The following SYNE2 variants were observed in gnomAD, a reference collection of about 807,000 sequenced individuals.
SYNE2 encodes the protein spectrin repeat containing nuclear envelope protein 2.
Under a neutral mutation model 856.3 loss-of-function variants are expected in SYNE2, and 431 were observed. That is an observed-to-expected ratio of 0.50 (90% CI 0.47 to 0.55). SYNE2 has a LOEUF of 0.55. SYNE2 is among the 20% of genes least tolerant of loss of function. SYNE2 has a pLI of 0.00. For synonymous variants in SYNE2, 2,923 were observed against 2,872.3 expected (o/e 1.02, Z -0.56); for missense variants, 8,129 against 8,023.2 (o/e 1.01, Z -0.50).
chr14:64,121,379 C>T (rs1254606151), intron 68 of SYNE2, among the ~76,000 whole-genome samples: 1 of 151,948 alleles, frequency 6.6e-6, no homozygotes, highest in East Asian at 1.9e-4. Flanking sequence ...AAAAATGAGC[C>T]AGGCATGGTG....
Position 64,007,158 on chromosome 14 carries a change from G to A in SYNE2, c.4513G>A (p.Val1505Met), listed in dbSNP as rs542064510. Reference protein sequence around the residue: ...PHFKDGREKTVNQQCQNTVVL... With the variant: ...PHFKDGREKTMNQQCQNTVVL... ...CTTCAAAGATGGCAGAGAAAAAACCGTGAATCAACAGTGCCAAAATACAGT... is the reference window on the plus strand; with the variant it reads ...CTTCAAAGATGGCAGAGAAAAAACCATGAATCAACAGTGCCAAAATACAGT... The change falls in exon 31 of 116, where the codon GTG (valine) becomes ATG (methionine). Residue 1505 changes from valine to methionine, a missense_variant. Coordinates refer to ENST00000555002, the MANE Select transcript of SYNE2 (RefSeq NM_182914.3). 1.4e-5 allele frequency: 22 copies of A among 1,614,088 alleles called. No individual in the cohort carries two copies. The Admixed American group carries it at 1.5e-4, about 11-fold the overall frequency.
rs772614018 is a variant in SYNE2 at position 64,225,481 on chromosome 14, C to A, written c.20679C>A (p.Ser6893=). The A allele has an allele frequency of 6.2e-7, 1 of 1,614,110 alleles. No homozygotes were observed. The highest frequency in any genetic ancestry group is 2.2e-5 in the East Asian group (1 of 44,904). The change falls in exon 116 of 116, where the codon TCC becomes TCA. Residue 6893 remains serine (S), a synonymous_variant. Coordinates refer to ENST00000555002, the MANE Select transcript of SYNE2 (RefSeq NM_182914.3). The part of the protein sequence containing the change: ...SCTQANNFAR[S]FYPMLRYTNG... ...CTCAGGCCAACAACTTTGCCCGGTCCTTTTACCCCATGCTGAGGTACACCA... is the reference window on the plus strand; with the variant it reads ...CTCAGGCCAACAACTTTGCCCGGTCATTTTACCCCATGCTGAGGTACACCA...
At chr14:63,772,290 G>A (rs374422684) in intron 1 of SYNE2, among the ~76,000 whole-genome samples, 1 of 151,978 alleles carries the variant, frequency 6.6e-6, no homozygotes, top group East Asian at 1.9e-4. Flanking sequence ...GGAGGTTGAG[G>A]CTGCAGTGAG....
intron 104 of SYNE2, 90 bp downstream of exon 104, chr14:64,212,188 A>C: frequency 1.3e-6 from 2 of 1,597,820 alleles, no homozygotes; most frequent in Admixed American, 3.3e-5. Flanking sequence ...CGATACTCTG[A>C]GAGCAAATTT....
At chr14:63,979,932 G>A (rs2096573334) in intron 14 of SYNE2, among the ~76,000 whole-genome samples, 1 of 150,472 alleles carries the variant, frequency 6.6e-6, no homozygotes, top group Middle Eastern at 3.2e-3. Flanking sequence ...AATGAGGGGG[G>A]GAAGGAAAAA....
chr14:63,909,158 A>G lies in SYNE2; in HGVS notation c.10A>G (p.Ser4Gly). The G allele has an allele frequency of 6.2e-7, 1 of 1,611,062 alleles. No individual in the cohort carries two copies. The change falls in exon 2 of 116, where the codon AGT (serine) becomes GGT (glycine). Residue 4 changes from serine to glycine, a missense_variant. Coordinates refer to ENST00000555002, the MANE Select transcript of SYNE2 (RefSeq NM_182914.3). Reference protein sequence around the residue: MASSPELPTEDEQG... With the variant: MASGPELPTEDEQG... ...TCCATTGAGTCAAAGAATGGCATCTAGTCCTGAGCTTCCCACCGAAGATGA... is the reference window on the plus strand; with the variant it reads ...TCCATTGAGTCAAAGAATGGCATCTGGTCCTGAGCTTCCCACCGAAGATGA...
intron 87 of SYNE2, among the ~76,000 whole-genome samples, chr14:64,159,720 G>T (rs1288509918): frequency 6.6e-6 from 1 of 152,220 alleles, no homozygotes; most frequent in Non-Finnish European, 1.5e-5. Context: ...CAAATGTCAA[G>T]TTCGATCTCG....
At chr14:64,134,822 A>C (rs2098068507) in intron 78 of SYNE2, among the ~76,000 whole-genome samples, 2 of 138,684 alleles carry the variant, frequency 1.4e-5, no homozygotes, top group Admixed American at 7.2e-5. Context: ...ACTAAAATAC[A>C]AAAAAAAAAA....
At chr14:63,794,479 C>T (rs1453708532) in intron 1 of SYNE2, among the ~76,000 whole-genome samples, 5 of 152,062 alleles carry the variant, frequency 3.3e-5, no homozygotes, top group Admixed American at 6.6e-5. Context: ...TGTGAGCCAC[C>T]GTGCCCAGCC....
At position 64,186,450 on chromosome 14, in the gene SYNE2, G is replaced by C; in HGVS notation, c.17583G>C (p.Trp5861Cys). The C allele has an allele frequency of 2.5e-6, 4 of 1,614,176 alleles. No individual in the cohort carries two copies. The highest frequency in any genetic ancestry group is 3.4e-6 in the Non-Finnish European group (4 of 1,180,026). The change falls in exon 97 of 116, where the codon TGG (tryptophan) becomes TGC (cysteine). Residue 5861 changes from tryptophan to cysteine, a missense_variant. Trp to Cys is a radical substitution (Grantham distance 215). This residue lies in a region of SYNE2 where 5,410 missense variants were observed against 5,284.8 expected (regional missense o/e 1.02). Transcript: ENST00000555002. ...AACTAGAACAGTCTTTGGCTAGCTG[G>C]ACTCAGAACTTGAAAGAACTTCAAA... ...IKELEQSLAS[W>C]TQNLKELQTM... is the part of the protein sequence containing the mutation.
chr14:64,076,349 T>C (rs554717456), intron 54 of SYNE2, among the ~76,000 whole-genome samples: 1 of 152,330 alleles, frequency 6.6e-6, no homozygotes, highest in Admixed American at 6.5e-5. Flanking sequence ...CATTTTATAA[T>C]ACAGTTATAT....
intron 14 of SYNE2, among the ~76,000 whole-genome samples, chr14:63,980,187 A>T (rs548436142): frequency 1.3e-5 from 2 of 152,322 alleles, no homozygotes; most frequent in East Asian, 3.9e-4. Context: ...TATTTTTTCC[A>T]TAACAGAATT....
intron 53 of SYNE2, 123 bp from the exon 54 acceptor site, chr14:64,075,822 G>T: frequency 3.1e-6 from 3 of 980,028 alleles, no homozygotes; most frequent in Non-Finnish European, 4.8e-6. Flanking sequence ...TCACTAGTGG[G>T]GTTTTGTCAT....
Position 63,997,081 on chromosome 14 carries a change from G to A in SYNE2, c.3075G>A (p.Lys1025=), listed in dbSNP as rs1353180728. 2 of 1,614,106 alleles carry A rather than the reference G, an allele frequency of 1.2e-6. No individual in the cohort carries two copies. Among genetic ancestry groups the A allele is most frequent in the Non-Finnish European group, 1.7e-6 (2 of 1,180,012 alleles). ...GACTACTCAAAGATTATGAACAAAA[G>A]ATAGAAAGACTTCTGAAATGTGCTT... ...VKRLLKDYEQ[K]IERLLKCASE... is the part of the protein sequence containing the mutation. The change falls in exon 24 of 116, where the codon AAG becomes AAA. Residue 1025 remains lysine, a synonymous_variant. Transcript: ENST00000555002.
chr14:64,102,010 A>G lies in SYNE2; in HGVS notation c.12460A>G (p.Arg4154Gly). ...GCATGACAAGGACATGGAAGAAGACAGAGCTTCCTCATCCTCTGGAACAAT... is the reference window on the plus strand; with the variant it reads ...GCATGACAAGGACATGGAAGAAGACGGAGCTTCCTCATCCTCTGGAACAAT... ...WKHDKDMEED[R>G]ASSSSGTIVQ... The change falls in exon 64 of 116, where the codon AGA becomes GGA. Residue 4154 changes from arginine to glycine, a missense_variant. By Grantham distance (125) the Arg-to-Gly change is moderately radical (BLOSUM62 -2). This residue lies in a region of SYNE2 where 5,410 missense variants were observed against 5,284.8 expected (regional missense o/e 1.02). Transcript: ENST00000555002. 3 of 1,613,992 alleles carry G rather than the reference A, an allele frequency of 1.9e-6. No homozygotes were observed. Among genetic ancestry groups the G allele is most frequent in the Non-Finnish European group, 2.5e-6 (3 of 1,179,842 alleles).
chr14:64,220,478 C>T lies in SYNE2; in HGVS notation c.19902C>T (p.Val6634=), dbSNP rs1281358104. 6.2e-7 allele frequency: 1 copy of T among 1,614,234 alleles called. No individual in the cohort carries two copies. Among genetic ancestry groups the T allele is most frequent in the Non-Finnish European group, 8.5e-7 (1 of 1,180,046 alleles). Residue 6634 remains valine (V), a synonymous_variant, in exon 111 of 116, where the codon GTC becomes GTT. Coordinates refer to ENST00000555002, the MANE Select transcript of SYNE2 (RefSeq NM_182914.3). ...KAFDTYKALV[V]SVNVSSKEFL... ...TTGACACTTACAAGGCATTAGTGGTCTCTGTCAACGTGAGCAGCAAGGAAT... is the reference window on the plus strand; with the variant it reads ...TTGACACTTACAAGGCATTAGTGGTTTCTGTCAACGTGAGCAGCAAGGAAT...
At chr14:63,936,930 G>A (rs1182677493) in intron 2 of SYNE2, among the ~76,000 whole-genome samples, 1 of 152,154 alleles carries the variant, frequency 6.6e-6, no homozygotes, top group East Asian at 1.9e-4. Flanking sequence ...GACCTAACAG[G>A]ATATCTGGAG....
rs146261323 is a variant in SYNE2 at position 64,087,736 on chromosome 14, C to T, written c.11550C>T (p.Asp3850=). The part of the protein sequence containing the change: ...LLHSIFMDLE[D]LSIIFETDEL... ...ATTCAATCTTTATGGATCTAGAAGACCTGTCAATAATTTTTGAAACAGATG... is the reference window on the plus strand; with the variant it reads ...ATTCAATCTTTATGGATCTAGAAGATCTGTCAATAATTTTTGAAACAGATG... Residue 3850 remains aspartate (D), a synonymous_variant, in exon 58 of 116, where the codon GAC becomes GAT. Transcript: ENST00000555002. 2.5e-4 allele frequency: 401 copies of T among 1,613,920 alleles called. No individual in the cohort carries two copies. Among genetic ancestry groups the T allele is most frequent in the Non-Finnish European group, 3.2e-4 (374 of 1,180,006 alleles).
In SYNE2 at chr14:64,014,333, G is replaced by A. The variant is rs554067681; in HGVS notation, c.4729-2140G>A. 1.3e-5 allele frequency among the ~76,000 whole-genome samples: 2 copies of A among 152,320 alleles called. 1 individual carries two copies. Among genetic ancestry groups the A allele is most frequent in the South Asian group, 4.1e-4 (2 of 4,820 alleles). On this transcript the variant is annotated intron_variant, in intron 32 of 115. Coordinates refer to ENST00000555002, the MANE Select transcript of SYNE2 (RefSeq NM_182914.3). ...ATGAATAAAGCTGCTGTAAACATTT[G>A]TAAAGGAGTCTTTGGTGAATATAAG...
Sources: gnomAD v4.1 joint callset for allele counts (sites outside exome capture counted in the v4.1 genomes callset) on GRCh38, gnomAD v4.1.1 for gene constraint, gnomAD v4.1.1 regional missense constraint, MANE v1.5 for transcripts, NCBI Gene and HGNC (gene_info 2026-07-23, HGNC 2026-07-21) for gene names.